ABHD18: variants seen among roughly 807,000 people sequenced by gnomAD.
ABHD18 encodes the protein cardiolipin-specific deacylase, mitochondrial.
Under a neutral mutation model 65.9 loss-of-function variants are expected in ABHD18, and 55 were observed. The ratio of observed to expected loss-of-function variants is 0.84; its 90% CI spans 0.67 to 1.05. The LOEUF (loss-of-function observed/expected upper bound fraction) is 1.05, where lower values mean the gene tolerates loss of function less well. Ranked by LOEUF, ABHD18 falls within the 50% of genes least tolerant of loss-of-function variation. The probability of loss-of-function intolerance (pLI) is 0.00; values close to 1 mark genes in which losing one functional copy is unlikely to be tolerated. For missense variants in ABHD18, 533 were observed against 558.5 expected (o/e 0.95, Z 0.46); for synonymous variants, 181 against 180.2 (o/e 1.00, Z -0.04).
At chr4:128,030,457 T>G in intron 11 of ABHD18, 53 bp from the exon 12 acceptor site, 1 of 1,274,768 alleles carries the variant, frequency 7.8e-7, no homozygotes, top group Non-Finnish European at 1.0e-6. Context: ...ATTGTGTGGG[T>G]TTTTTTATTT....
intron 1 of ABHD18, among the ~76,000 whole-genome samples, chr4:127,977,944 A>C (rs1003992835): frequency 6.6e-6 from 1 of 152,136 alleles, no homozygotes; most frequent in African/African-American, 2.4e-5. Flanking sequence ...AACTGGATTA[A>C]TGAATAAATA....
chr4:128,008,365 G>A (rs971851611), intron 4 of ABHD18, among the ~76,000 whole-genome samples: 5 of 138,192 alleles, frequency 3.6e-5, no homozygotes, highest in African/African-American at 5.5e-5. Flanking sequence ...TCTGCCTCCC[G>A]GGTTTAAGCG....
At chr4:128,021,084 T>C in intron 9 of ABHD18, 53 bp from the exon 10 acceptor site, 2 of 1,116,554 alleles carry the variant, frequency 1.8e-6, no homozygotes, top group Non-Finnish European at 2.6e-6. Context: ...ATAAAAGTAT[T>C]GGGCAAATTG....
chr4:128,028,385 G>A, intron 10 of ABHD18, 90 bp from the exon 11 acceptor site: 1 of 939,550 alleles, frequency 1.1e-6, no homozygotes, highest in Non-Finnish European at 1.5e-6. Context: ...ATTCATTGAT[G>A]GACATTTGTC....
intron 11 of ABHD18, among the ~76,000 whole-genome samples, chr4:128,029,141 C>T (rs894128608): frequency 1.3e-5 from 2 of 151,696 alleles, no homozygotes; most frequent in African/African-American, 4.8e-5. Context: ...TGCTTGAGCC[C>T]AGGAGTTCAA....
At chr4:128,000,280 C>T (rs956657661) in intron 4 of ABHD18, among the ~76,000 whole-genome samples, 2 of 152,114 alleles carry the variant, frequency 1.3e-5, no homozygotes, top group African/African-American at 4.8e-5. Flanking sequence ...GCCTTTAATC[C>T]ATCTTGAGTT....
chr4:128,018,163 T>C (rs192623650), intron 8 of ABHD18, among the ~76,000 whole-genome samples: 102 of 152,324 alleles, frequency 6.7e-4, no homozygotes, highest in Admixed American at 1.4e-3. Flanking sequence ...CTCCAGACTA[T>C]ACTTCAAACT....
intron 1 of ABHD18, among the ~76,000 whole-genome samples, chr4:127,981,441 T>C (rs1232207289): frequency 6.6e-6 from 1 of 152,172 alleles, no homozygotes; most frequent in Non-Finnish European, 1.5e-5. Context: ...TTATTTTCCC[T>C]CCACTAAAAT....
intron 1 of ABHD18, among the ~76,000 whole-genome samples, chr4:127,969,708 G>A (rs1342710704): frequency 6.6e-6 from 1 of 151,156 alleles, no homozygotes; most frequent in South Asian, 2.1e-4. Context: ...CTCATGAGCA[G>A]TATATTACTT....
intron 1 of ABHD18, among the ~76,000 whole-genome samples, chr4:127,980,790 C>T (rs995948366): frequency 2.1e-5 from 3 of 142,394 alleles, no homozygotes; most frequent in South Asian, 2.2e-4. Context: ...CGCACCACTG[C>T]GCTCCAGCCT....
chr4:127,970,144 A>G (rs1348443347), intron 1 of ABHD18, among the ~76,000 whole-genome samples: 1 of 152,016 alleles, frequency 6.6e-6, no homozygotes, highest in South Asian at 2.1e-4. Context: ...CAGCGTCCCA[A>G]AGTGCTGGGA....
chr4:127,970,275 C>G lies in ABHD18; in HGVS notation c.-18+4669C>G, dbSNP rs545325341. On this transcript the variant is annotated intron_variant, in intron 1 of 12. Transcript: ENST00000645843. The stretch of plus-strand genomic sequence containing the variant: ...GGTGTTACAAAGAAAGATGATGCCC[C>G]TGGTTCATTTCATGCTGATGTTAAG... Among the ~76,000 whole-genome samples the G allele has an allele frequency of 1.2e-3, 188 of 152,016 alleles. 1 individual carries two copies. The highest frequency in any genetic ancestry group is 4.3e-3 in the African/African-American group (179 of 41,486).
intron 1 of ABHD18, among the ~76,000 whole-genome samples, chr4:127,969,069 C>T (rs1311013172): frequency 6.6e-6 from 1 of 152,060 alleles, no homozygotes; most frequent in Admixed American, 6.6e-5. Flanking sequence ...ACTTTCTTTT[C>T]CTCATTTATT....
At position 127,983,416 on chromosome 4, in the gene ABHD18, C is replaced by T. The variant is rs142742689; in HGVS notation, c.92+369C>T. Among the ~76,000 whole-genome samples the T allele has an allele frequency of 5.6e-4, 86 of 152,290 alleles. 1 individual carries two copies. In the East Asian group the frequency reaches 0.013, roughly 24 times the overall value. On this transcript the variant is annotated intron_variant, in intron 2 of 12. Transcript: ENST00000645843. Reference sequence around the variant, plus strand: ...ACTCTGAAACTGGAATACTCCGTAGCTCACAGGAAAATCTGGACTTAAGAA... The same window carrying T: ...ACTCTGAAACTGGAATACTCCGTAGTTCACAGGAAAATCTGGACTTAAGAA...
intron 6 of ABHD18, chr4:128,009,728 G>C (rs1754216524): frequency 6.5e-6 from 1 of 152,820 alleles, no homozygotes; most frequent in South Asian, 2.1e-4. Flanking sequence ...CTGAAAATTA[G>C]TTCAACCGTT....
Position 128,007,739 on chromosome 4 carries a change from C to CAA in ABHD18, c.279-1166_279-1165dup, listed in dbSNP as rs57540305. 2.8e-3 allele frequency among the ~76,000 whole-genome samples: 318 copies of CAA among 114,154 alleles called. 2 individuals carry two copies. Among genetic ancestry groups the CAA allele is most frequent in the African/African-American group, 9.0e-3 (286 of 31,902 alleles). 74.9% of individuals were successfully genotyped at this position (114,154 alleles called of 152,430 possible). ...CTGGGCAACAGTAAGACCCTGTCTC[C>CAA]AAAAAAAAAAAAAAAATAGACAAAT... is the stretch of plus-strand genomic sequence containing the variant. On this transcript the variant is annotated intron_variant, in intron 4 of 12. Transcript: ENST00000645843.
At position 128,009,094 on chromosome 4, in the gene ABHD18, T is replaced by C; in HGVS notation, c.358-13T>C. On this transcript the variant is annotated splice_polypyrimidine_tract_variant and intron_variant, in intron 5 of 12. Transcript: ENST00000645843. ...CTATATTCTTTTGAGTATGTGTTCT[T>C]TTCTTTCCTTAGCATTACTGGAGGC... is the stretch of plus-strand genomic sequence containing the variant. 2 of 1,583,798 alleles carry C rather than the reference T, an allele frequency of 1.3e-6. No homozygotes were observed. The highest frequency in any genetic ancestry group is 1.7e-6 in the Non-Finnish European group (2 of 1,171,126).
chr4:128,000,249 T>C (rs983107980), intron 4 of ABHD18, among the ~76,000 whole-genome samples: 1 of 152,186 alleles, frequency 6.6e-6, no homozygotes, highest in East Asian at 1.9e-4. Flanking sequence ...GGGTTTTTAT[T>C]GTTTTAGGTA....
At chr4:128,025,380 T>TGCCTGCCTCA (rs1757192892) in intron 10 of ABHD18, among the ~76,000 whole-genome samples, 2 of 151,812 alleles carry the variant, frequency 1.3e-5, no homozygotes. Flanking sequence ...TAAAGCAATC[T>TGCCTGCCTCA]GCCTGCCTCA....
Sources: gnomAD v4.1 joint callset for allele counts (sites outside exome capture counted in the v4.1 genomes callset) on GRCh38, gnomAD v4.1.1 for gene constraint, MANE v1.5 for transcripts, NCBI Gene and HGNC (gene_info 2026-07-23, HGNC 2026-07-21) for gene names.